GUCY1A2: variants seen among roughly 807,000 people sequenced by gnomAD.
GUCY1A2 encodes guanylate cyclase soluble subunit alpha-2.
In GUCY1A2, 27 loss-of-function variants were observed where a neutral mutation model predicts 63.5. The ratio of observed to expected loss-of-function variants is 0.43; its 90% CI spans 0.31 to 0.59. The LOEUF is 0.59. Ranked by LOEUF, GUCY1A2 falls within the 20% of genes least tolerant of loss-of-function variation. The pLI, the probability that GUCY1A2 is intolerant of heterozygous loss-of-function variation, is 0.11. For synonymous variants in GUCY1A2, 364 were observed against 343.5 expected, an observed-to-expected ratio of 1.06 and a Z score of -0.66; for missense variants, 768 against 913.3, an observed-to-expected ratio of 0.84 and a Z score of 2.05.
At chr11:106,899,927 T>C (rs1302512170) in intron 4 of GUCY1A2, among the ~76,000 whole-genome samples, 1 of 151,600 alleles carries the variant, frequency 6.6e-6, no homozygotes, top group Non-Finnish European at 1.5e-5. Context: ...CACTTAAAAA[T>C]ACAAAAAAAT....
At chr11:106,769,251 G>A (rs913804091) in intron 6 of GUCY1A2, among the ~76,000 whole-genome samples, 1 of 152,084 alleles carries the variant, frequency 6.6e-6, no homozygotes. Context: ...ACCAGGAGAA[G>A]CATTTACAAT....
chr11:106,995,974 C>T (rs1180092922), intron 1 of GUCY1A2, among the ~76,000 whole-genome samples: 4 of 104,450 alleles, frequency 3.8e-5, no homozygotes, highest in Non-Finnish European at 7.7e-5. Context: ...GGGGTATTTC[C>T]CAAGAAGAGT....
At position 106,920,016 on chromosome 11, in the gene GUCY1A2, C is replaced by T. The variant is rs1291955676; in HGVS notation, c.1206+19444G>A. ...CAGTTCAAAAAATTACAGGTTGACT[C>T]ATTGGGCAATAGATAAACTAGCTAA... On this transcript the variant is annotated intron_variant, in intron 4 of 7. Transcript: ENST00000526355. Among the ~76,000 whole-genome samples the T allele has an allele frequency of 2.0e-5, 3 of 152,090 alleles. No homozygotes were observed. In the East Asian group the frequency reaches 5.8e-4, roughly 29 times the overall value.
At chr11:106,750,812 A>ATTTC (rs1407698149) in intron 6 of GUCY1A2, among the ~76,000 whole-genome samples, 1 of 150,784 alleles carries the variant, frequency 6.6e-6, no homozygotes, top group Non-Finnish European at 1.5e-5. Flanking sequence ...TTTCTATAAT[A>ATTTC]TTTCTTTCTT....
intron 4 of GUCY1A2, among the ~76,000 whole-genome samples, chr11:106,919,407 G>A (rs1385706397): frequency 6.6e-6 from 1 of 152,108 alleles, no homozygotes; most frequent in Non-Finnish European, 1.5e-5. Flanking sequence ...GTATCTTGGT[G>A]AGGTGATAGA....
chr11:106,777,075 T>TA (rs1864370654), intron 5 of GUCY1A2, among the ~76,000 whole-genome samples: 1 of 152,188 alleles, frequency 6.6e-6, no homozygotes, highest in South Asian at 2.1e-4. Context: ...TAATGTTTCT[T>TA]AAATATTCAT....
chr11:106,915,732 C>T (rs1260830041), intron 4 of GUCY1A2, among the ~76,000 whole-genome samples: 1 of 144,768 alleles, frequency 6.9e-6, no homozygotes, highest in African/African-American at 2.5e-5. Flanking sequence ...AAATGAGCCA[C>T]GTAAACCAAG....
At chr11:106,869,293 A>G (rs1019360608) in intron 4 of GUCY1A2, among the ~76,000 whole-genome samples, 1 of 152,244 alleles carries the variant, frequency 6.6e-6, no homozygotes, top group Non-Finnish European at 1.5e-5. Context: ...CTGCACAGCA[A>G]AAGAAACTAC....
At chr11:106,861,402 T>TC (rs1859510564) in intron 4 of GUCY1A2, among the ~76,000 whole-genome samples, 1 of 151,996 alleles carries the variant, frequency 6.6e-6, no homozygotes, top group Non-Finnish European at 1.5e-5. Flanking sequence ...TATTCTTTTT[T>TC]CCCATATTGA....
rs1862382613 is a variant in GUCY1A2 at position 106,678,515 on chromosome 11, GAT to G, written c.*9032_*9033del. 4.7e-6 allele frequency: 1 copy of G among 213,590 alleles called. No individual in the cohort carries two copies. The highest frequency in any genetic ancestry group is 9.5e-6 in the Non-Finnish European group (1 of 105,606). 13.2% of individuals were successfully genotyped at this position (213,590 alleles called of 1,614,324 possible). On this transcript the variant is annotated 3_prime_UTR_variant, in exon 8 of 8. Transcript: ENST00000526355. ...CATATTTTGCTAGCTTTTAAAGAGT[GAT>G]ATTGACCATGAAGAAATAGTTCTTG...
chr11:107,008,278 C>CA (rs60060457), intron 1 of GUCY1A2, among the ~76,000 whole-genome samples: 2,275 of 94,984 alleles, frequency 0.024, 56 homozygotes, highest in East Asian at 0.088. Context: ...GACTCCATCT[C>CA]AAAAAAAAAA....
At position 106,936,405 on chromosome 11, in the gene GUCY1A2, T is replaced by C. The variant is rs1363346659; in HGVS notation, c.1206+3055A>G. On this transcript the variant is annotated intron_variant, in intron 4 of 7. Transcript: ENST00000526355. ...GTCTTTATTCTCTACACTGAATCTG[T>C]TGGGTTTTTTAAAAACAACCAATTC... Among the ~76,000 whole-genome samples the C allele has an allele frequency of 5.3e-5, 8 of 151,086 alleles. No homozygotes were observed. The Admixed American group carries it at 5.3e-4, about 10-fold the overall frequency.
chr11:106,987,394 T>C (rs1383763327), intron 1 of GUCY1A2, among the ~76,000 whole-genome samples: 2 of 152,236 alleles, frequency 1.3e-5, no homozygotes, highest in Non-Finnish European at 2.9e-5. Context: ...CTCACGCCTG[T>C]AATCCCAGCA....
In GUCY1A2 at chr11:106,998,498, G is replaced by A. The variant is rs552926202; in HGVS notation, c.304-12367C>T. ...GTAAGCATGTGCATATATTCACACC[G>A]GAATTTTAATGTTATGATGCTTGAA... On this transcript the variant is annotated intron_variant, in intron 1 of 7. Transcript: ENST00000526355. Among the ~76,000 whole-genome samples the A allele has an allele frequency of 2.1e-3, 318 of 152,152 alleles. 3 individuals carry two copies. The highest frequency in any genetic ancestry group is 6.9e-3 in the African/African-American group (285 of 41,500).
intron 2 of GUCY1A2, among the ~76,000 whole-genome samples, chr11:106,980,924 G>C (rs1861326606): frequency 6.6e-6 from 1 of 152,092 alleles, no homozygotes; most frequent in Non-Finnish European, 1.5e-5. Context: ...TTATCAGAAT[G>C]ACCTTAAAAA....
In GUCY1A2 at chr11:106,774,245, C is replaced by T. The variant is rs554865656; in HGVS notation, c.1836+2194G>A. 9.9e-5 allele frequency among the ~76,000 whole-genome samples: 15 copies of T among 152,144 alleles called. No homozygotes were observed. The East Asian group carries it at 2.1e-3, about 22-fold the overall frequency. On this transcript the variant is annotated intron_variant, in intron 6 of 7. Coordinates refer to ENST00000526355, the MANE Select transcript of GUCY1A2 (RefSeq NM_000855.3). ...CCTCCCGGGTTCACGCCATTCTCTG[C>T]CTCAGCCTCCTGAGTAGCTGGGATT... is the stretch of plus-strand genomic sequence containing the variant.
At position 106,877,483 on chromosome 11, in the gene GUCY1A2, T is replaced by A. The variant is rs115319708; in HGVS notation, c.1206+61977A>T. Among the ~76,000 whole-genome samples the A allele has an allele frequency of 5.8e-3, 876 of 152,012 alleles. 6 individuals carry two copies. Among genetic ancestry groups the A allele is most frequent in the African/African-American group, 0.02 (844 of 41,470 alleles). Reference sequence around the variant, plus strand: ...CGGAACAAAATAGAGAGCCCAGAAATAAGGCCATACACCTATGACTATCTG... The same window carrying A: ...CGGAACAAAATAGAGAGCCCAGAAAAAAGGCCATACACCTATGACTATCTG... On this transcript the variant is annotated intron_variant, in intron 4 of 7. Coordinates refer to ENST00000526355, the MANE Select transcript of GUCY1A2 (RefSeq NM_000855.3).
rs191678144 is a variant in GUCY1A2 at position 106,793,850 on chromosome 11, C to A, written c.1692+16143G>T. ...GATGATTATCAAAAGTCTGAGATAA[C>A]AAATGCCAGTTAGTGTATGGAGAAA... On this transcript the variant is annotated intron_variant, in intron 5 of 7. Coordinates refer to ENST00000526355, the MANE Select transcript of GUCY1A2 (RefSeq NM_000855.3). Among the ~76,000 whole-genome samples, 157 of 152,128 alleles carry A rather than the reference C, an allele frequency of 1.0e-3. 2 individuals are homozygous for A. Among genetic ancestry groups the A allele is most frequent in the African/African-American group, 3.3e-3 (139 of 41,542 alleles).
chr11:106,729,184 T>A (rs916324621), intron 6 of GUCY1A2, among the ~76,000 whole-genome samples: 5 of 152,180 alleles, frequency 3.3e-5, no homozygotes, highest in African/African-American at 9.6e-5. Context: ...AGTCTTTTAT[T>A]CTTTTTAAAA....
Sources: gnomAD v4.1 joint callset for allele counts (sites outside exome capture counted in the v4.1 genomes callset) on GRCh38, gnomAD v4.1.1 for gene constraint, MANE v1.5 for transcripts, NCBI Gene and HGNC (gene_info 2026-07-23, HGNC 2026-07-21) for gene names.